The following CAPN14 variants were observed in gnomAD, a reference collection of about 807,000 sequenced individuals.
CAPN14 encodes the protein calpain-14.
CAPN14 carries 94 observed loss-of-function variants against 101.3 expected under a neutral mutation model. The ratio of observed to expected loss-of-function variants is 0.93; its 90% CI spans 0.79 to 1.10. The LOEUF is 1.10. CAPN14 is among the 50% of genes least tolerant of loss of function. The pLI is 0.00. For synonymous variants in CAPN14, 338 were observed against 317.9 expected, an observed-to-expected ratio of 1.06 and a Z score of -0.67; for missense variants, 837 against 828.4, an observed-to-expected ratio of 1.01 and a Z score of -0.13.
At position 31,177,806 on chromosome 2, in the gene CAPN14, GC is replaced by G. The variant is rs1680384949; in HGVS notation, c.1794del (p.Lys598AsnfsTer9). On this transcript the variant is annotated frameshift_variant, in exon 19 of 22. Coordinates refer to ENST00000403897, the MANE Select transcript of CAPN14 (RefSeq NM_001145122.2). LOFTEE classifies it high-confidence loss of function. ...TTCAGGTATCCTGACCCACGGTCTT[GC>G]TTGTGGAAAACCTTCTGCAAAGAAC... ...QLKLSQKVFH[K>X]QDRGSGYLNW... 1 of 1,551,820 alleles carries G rather than the reference GC, an allele frequency of 6.4e-7. No homozygotes were observed. The highest frequency in any genetic ancestry group is 2.0e-5 in the Admixed American group (1 of 50,988).
chr2:31,208,897 A>G (rs947282000), intron 1 of CAPN14, among the ~76,000 whole-genome samples: 4 of 152,152 alleles, frequency 2.6e-5, no homozygotes, highest in African/African-American at 9.7e-5. Flanking sequence ...AGCATCCTCC[A>G]TGGGCCTCAG....
intron 17 of CAPN14, among the ~76,000 whole-genome samples, chr2:31,179,060 C>CTCTA (rs777643218): frequency 4.3e-5 from 3 of 69,214 alleles, no homozygotes; most frequent in Non-Finnish European, 7.9e-5. Context: ...TTATTGAGTT[C>CTCTA]TATATATATA....
rs533708103 is a variant in CAPN14, at chr2:31,203,171, C to T, written c.226-32G>A. The T allele has an allele frequency of 1.0e-5, 16 of 1,542,598 alleles. No individual in the cohort carries two copies. The African/African-American group carries it at 1.4e-4, about 13-fold the overall frequency. ...AAGACAAACAGAATTGTCATTCTGA[C>T]CTAGAACAAAAAAGCTCCTGGAGCT... is the stretch of plus-strand genomic sequence containing the variant. On this transcript the variant is annotated intron_variant, in intron 2 of 21. Transcript: ENST00000403897.
Position 31,197,718 on chromosome 2 carries a change from G to T in CAPN14, c.790-384C>A, listed in dbSNP as rs536106375. Reference sequence around the variant, plus strand: ...GGGTTTGAGATAATTATGGATCAGGGTGGGCCCTAAATCCAAAGACAAGTG... The same window carrying T: ...GGGTTTGAGATAATTATGGATCAGGTTGGGCCCTAAATCCAAAGACAAGTG... On this transcript the variant is annotated intron_variant, in intron 7 of 21. Transcript: ENST00000403897. Among the ~76,000 whole-genome samples the T allele has an allele frequency of 1.7e-3, 258 of 152,314 alleles. 1 individual carries two copies. Among genetic ancestry groups the T allele is most frequent in the Middle Eastern group, 6.8e-3 (2 of 294 alleles).
intron 18 of CAPN14, 142 bp from the exon 19 acceptor site, chr2:31,177,963 G>C: frequency 1.5e-6 from 1 of 666,906 alleles, no homozygotes; most frequent in South Asian, 1.7e-5. Context: ...GCCAGGATAA[G>C]AATATGGCAG....
At chr2:31,231,196 C>CT (rs138084819) in intron 1 of CAPN14, among the ~76,000 whole-genome samples, 4,200 of 151,932 alleles carry the variant, frequency 0.028, 164 homozygotes, top group African/African-American at 0.082. Flanking sequence ...AATATCTAAG[C>CT]TTTTTTTTAC....
intron 1 of CAPN14, among the ~76,000 whole-genome samples, chr2:31,233,534 T>C (rs1683259468): frequency 6.6e-6 from 1 of 152,222 alleles, no homozygotes; most frequent in African/African-American, 2.4e-5. Flanking sequence ...GGAGAGTCTG[T>C]TCAGCACTCA....
intron 17 of CAPN14, 108 bp from the exon 18 acceptor site, chr2:31,178,687 C>G (rs957374478): frequency 5.8e-6 from 4 of 694,616 alleles, no homozygotes; most frequent in Non-Finnish European, 9.4e-6. Context: ...TGGCCTCATT[C>G]AATGTCTGAT....
chr2:31,176,927 G>T, intron 20 of CAPN14, 99 bp downstream of exon 20: 1 of 885,188 alleles, frequency 1.1e-6, no homozygotes, highest in Non-Finnish European at 1.8e-6. Context: ...CTGTTTCTGG[G>T]ATGGCGGCTG....
At chr2:31,202,316 C>T in intron 3 of CAPN14, 64 bp from the exon 4 acceptor site, 1 of 1,319,214 alleles carries the variant, frequency 7.6e-7, no homozygotes, top group South Asian at 1.3e-5. Context: ...GCAGAAAATG[C>T]CCGGTCCCAA....
chr2:31,205,801 T>C lies in CAPN14; in HGVS notation c.-52-302A>G, dbSNP rs147887955. 2.6e-5 allele frequency among the ~76,000 whole-genome samples: 4 copies of C among 152,088 alleles called. No homozygotes were observed. In the East Asian group the frequency reaches 7.8e-4, roughly 30 times the overall value. The stretch of plus-strand genomic sequence containing the variant: ...GCACCAATGTCACGGGGGTCCCTTC[T>C]GCTTAGTGGGGAGGCAGGAGAAGAG... On this transcript the variant is annotated intron_variant, in intron 1 of 21. Transcript: ENST00000403897.
At position 31,191,437 on chromosome 2, in the gene CAPN14, A is replaced by G. The variant is rs1263009056; in HGVS notation, c.1279-30T>C. The G allele has an allele frequency of 2.0e-6, 3 of 1,532,940 alleles. 1 individual carries two copies. Among genetic ancestry groups the G allele is most frequent in the Admixed American group, 4.1e-5 (2 of 48,596 alleles). 95.0% of individuals were successfully genotyped at this position (1,532,940 alleles called of 1,614,324 possible). On this transcript the variant is annotated intron_variant, in intron 11 of 21. Coordinates refer to ENST00000403897, the MANE Select transcript of CAPN14 (RefSeq NM_001145122.2). ...AAAACAAAAACAAAAACAGAAAAAA[A>G]AAAAAAAAGAGGAGAGAGAGATCTC...
intron 8 of CAPN14, among the ~76,000 whole-genome samples, chr2:31,195,017 T>C (rs1444489873): frequency 6.6e-6 from 1 of 152,130 alleles, no homozygotes; most frequent in Non-Finnish European, 1.5e-5. Flanking sequence ...TAGGCTTTCT[T>C]CCTGAAGGTA....
At chr2:31,178,446 C>T in intron 18 of CAPN14, 65 bp downstream of exon 18, 1 of 1,253,920 alleles carries the variant, frequency 8.0e-7, no homozygotes, top group Non-Finnish European at 1.1e-6. Context: ...GTATCTTCTA[C>T]AGCTTTGCAG....
At chr2:31,197,406 G>A in intron 7 of CAPN14, 72 bp from the exon 8 acceptor site, 1 of 1,062,808 alleles carries the variant, frequency 9.4e-7, no homozygotes, top group Non-Finnish European at 1.4e-6. Context: ...GTGAGACTCG[G>A]GCCTGGAGCT....
chr2:31,186,581 G>T (rs1357207812), intron 15 of CAPN14, 96 bp from the exon 16 acceptor site: 1 of 890,212 alleles, frequency 1.1e-6, no homozygotes, highest in Non-Finnish European at 1.7e-6. Flanking sequence ...ATTAAACTGG[G>T]ATTTCCTAAG....
chr2:31,183,282 A>G (rs1323877735), intron 16 of CAPN14, among the ~76,000 whole-genome samples: 1 of 152,232 alleles, frequency 6.6e-6, no homozygotes, highest in Non-Finnish European at 1.5e-5. Context: ...ATGGGCAAGG[A>G]CTTCATGACT....
chr2:31,173,274 A>G lies in CAPN14; in HGVS notation c.*1407T>C, dbSNP rs1680134985. ...GAATAAATGAAGGGTTTTTTTTCCT[A>G]AATAAAATACTTTCCTACCCCATAA... On this transcript the variant is annotated 3_prime_UTR_variant, in exon 22 of 22. Transcript: ENST00000403897. 1 of 152,084 alleles carries G rather than the reference A, an allele frequency of 6.6e-6. No homozygotes were observed. The highest frequency in any genetic ancestry group is 1.5e-5 in the Non-Finnish European group (1 of 67,998). The allele number at this position is 152,084 out of a possible 1,614,324, so 9.4% of individuals were successfully genotyped here.
chr2:31,189,174 G>A, intron 13 of CAPN14, 99 bp downstream of exon 13: 1 of 1,053,144 alleles, frequency 9.5e-7, no homozygotes, highest in Non-Finnish European at 1.4e-6. Context: ...TTTTGTCTCA[G>A]CAGCAGAGAT....
Sources: gnomAD v4.1 joint callset for allele counts (sites outside exome capture counted in the v4.1 genomes callset) on GRCh38, gnomAD v4.1.1 for gene constraint, MANE v1.5 for transcripts, NCBI Gene and HGNC (gene_info 2026-07-23, HGNC 2026-07-21) for gene names.